Variants in PRELID2 observed in about 807,000 individuals in gnomAD.
PRELID2 encodes PRELI domain-containing protein 2.
PRELID2 carries 25 observed loss-of-function variants against 28.4 expected under a neutral mutation model. The observed-to-expected ratio is 0.88, with a 90% CI of 0.64 to 1.23. The LOEUF is 1.23. PRELID2 is among the 50% of genes most tolerant of loss of function. The probability of loss-of-function intolerance (pLI) is 0.00; values close to 1 mark genes in which losing one functional copy is unlikely to be tolerated. For synonymous variants in PRELID2, 76 were observed against 71.6 expected (o/e 1.06, Z -0.31); for missense variants, 201 against 214.4 (o/e 0.94, Z 0.39).
At chr5:145,682,239 T>C (rs1754950810) in intron 1 of PRELID2, among the ~76,000 whole-genome samples, 1 of 152,166 alleles carries the variant, frequency 6.6e-6, no homozygotes, top group Non-Finnish European at 1.5e-5. Context: ...TTTAAAAAAT[T>C]CAGTCCTTGG....
chr5:145,590,257 T>C (rs1753209598), intron 1 of PRELID2, among the ~76,000 whole-genome samples: 1 of 152,316 alleles, frequency 6.6e-6, no homozygotes, highest in African/African-American at 2.4e-5. Flanking sequence ...TTCTGGTGTC[T>C]GTTCTAAAAT....
the PRELID2 span, among the ~76,000 whole-genome samples, chr5:145,233,038 C>T: frequency 1.3e-5 from 2 of 151,394 alleles, no homozygotes; most frequent in Non-Finnish European, 2.9e-5. Context: ...TACTACTACC[C>T]CTGCTATTTG....
intron 1 of PRELID2, among the ~76,000 whole-genome samples, chr5:145,573,379 G>A (rs574938653): frequency 1.1e-4 from 16 of 151,390 alleles, no homozygotes; most frequent in East Asian, 9.7e-4. Context: ...TGTGCAGAAC[G>A]TGCAGGTTTC....
chr5:145,699,477 G>T (rs1310881345), intron 1 of PRELID2, among the ~76,000 whole-genome samples: 1 of 152,026 alleles, frequency 6.6e-6, no homozygotes, highest in Non-Finnish European at 1.5e-5. Context: ...CCAGGTAAAT[G>T]ACAAATCTGA....
intron 1 of PRELID2, among the ~76,000 whole-genome samples, chr5:145,517,650 C>A (rs1479529313): frequency 6.6e-6 from 1 of 152,090 alleles, no homozygotes; most frequent in South Asian, 2.1e-4. Context: ...GGTATATACC[C>A]AAAGGATTAT....
intron 1 of PRELID2, among the ~76,000 whole-genome samples, chr5:145,550,374 T>C (rs541482639): frequency 4.6e-5 from 7 of 152,142 alleles, no homozygotes; most frequent in Non-Finnish European, 1.0e-4. Context: ...TCTCAGTAAA[T>C]GAAACCAAGA....
rs898292518 is a variant in PRELID2, at chr5:145,818,004, G to A, written c.258C>T (p.Leu86=). 1.2e-6 allele frequency: 2 copies of A among 1,612,796 alleles called. No individual in the cohort carries two copies. The highest frequency in any genetic ancestry group is 2.7e-5 in the African/African-American group (2 of 74,764). The change falls in exon 4 of 7, where the codon CTC becomes CTT. Residue 86 remains leucine, a synonymous_variant. Transcript: ENST00000683046. The stretch of plus-strand genomic sequence containing the variant: ...TGGCCATGTTTCTTTCCCGAGGATT[G>A]AGCCATGACTCCTCTTCTAATTGGA... ...PNIQLEEESW[L]NPRERNMAIR...
At chr5:145,444,521 T>A in the PRELID2 span, among the ~76,000 whole-genome samples, 1 of 152,050 alleles carries the variant, frequency 6.6e-6, no homozygotes, top group Non-Finnish European at 1.5e-5. Context: ...TCCTGAGTCA[T>A]GGGTCATGAA....
the PRELID2 span, among the ~76,000 whole-genome samples, chr5:145,261,770 T>C: frequency 6.6e-6 from 1 of 152,154 alleles, no homozygotes; most frequent in Admixed American, 6.5e-5. Flanking sequence ...TCTGGTACTA[T>C]GACAACAAGG....
chr5:145,740,555 ATTC>A (rs1412678773), intron 1 of PRELID2, among the ~76,000 whole-genome samples: 1 of 122,862 alleles, frequency 8.1e-6, no homozygotes. Flanking sequence ...ACATGAGAAT[ATTC>A]AAGTACCCAT....
At chr5:145,296,690 C>T in the PRELID2 span, among the ~76,000 whole-genome samples, 14 of 152,052 alleles carry the variant, frequency 9.2e-5, no homozygotes, top group African/African-American at 3.1e-4. Flanking sequence ...GATTTATAGT[C>T]CTTTGGGTAT....
At chr5:145,309,922 C>T in the PRELID2 span, among the ~76,000 whole-genome samples, 1 of 152,210 alleles carries the variant, frequency 6.6e-6, no homozygotes, top group Non-Finnish European at 1.5e-5. Context: ...ACTGGACCAA[C>T]TGGAGTAGTC....
chr5:145,598,469 C>T (rs1038221782), intron 1 of PRELID2, among the ~76,000 whole-genome samples: 2 of 151,896 alleles, frequency 1.3e-5, no homozygotes, highest in African/African-American at 4.8e-5. Flanking sequence ...ATGATGTTGC[C>T]ATAACAAAAA....
At chr5:145,329,927 A>C in the PRELID2 span, among the ~76,000 whole-genome samples, 1 of 152,142 alleles carries the variant, frequency 6.6e-6, no homozygotes, top group African/African-American at 2.4e-5. Flanking sequence ...TGTCATAAAT[A>C]GCGCTTATTA....
chr5:145,351,114 G>A, the PRELID2 span, among the ~76,000 whole-genome samples: 5 of 152,114 alleles, frequency 3.3e-5, no homozygotes, highest in East Asian at 9.6e-4. Context: ...ACTTTCCCAA[G>A]CTTACAAAGC....
chr5:145,418,799 T>C, the PRELID2 span, among the ~76,000 whole-genome samples: 7 of 151,864 alleles, frequency 4.6e-5, no homozygotes, highest in Non-Finnish European at 7.4e-5. Flanking sequence ...TACATATGTA[T>C]ACATGTGCCA....
the PRELID2 span, among the ~76,000 whole-genome samples, chr5:145,392,614 C>G: frequency 6.6e-6 from 1 of 151,728 alleles, no homozygotes; most frequent in South Asian, 2.1e-4. Flanking sequence ...ACAATTTGAT[C>G]TGTAATTGTA....
At chr5:145,233,688 GC>G in the PRELID2 span, among the ~76,000 whole-genome samples, 1 of 152,148 alleles carries the variant, frequency 6.6e-6, no homozygotes, top group Non-Finnish European at 1.5e-5. Context: ...TCAGGCCACA[GC>G]TACCTGTCTT....
intron 1 of PRELID2, among the ~76,000 whole-genome samples, chr5:145,595,673 T>A (rs146173633): frequency 2.1e-4 from 32 of 152,224 alleles, no homozygotes; most frequent in Non-Finnish European, 3.5e-4. Flanking sequence ...CAAGTTAAAC[T>A]AGCCCCTCCA....
Sources: gnomAD v4.1 joint callset for allele counts (sites outside exome capture counted in the v4.1 genomes callset) on GRCh38, gnomAD v4.1.1 for gene constraint, MANE v1.5 for transcripts, NCBI Gene and HGNC (gene_info 2026-07-23, HGNC 2026-07-21) for gene names.